The following ZC3H7B variants were observed in gnomAD, a reference collection of about 807,000 sequenced individuals.
ZC3H7B encodes the protein zinc finger CCCH domain-containing protein 7B.
A neutral mutation model predicts 116.0 loss-of-function variants in ZC3H7B; 35 were observed. The ratio of observed to expected loss-of-function variants is 0.30; its 90% CI spans 0.23 to 0.40. The LOEUF (loss-of-function observed/expected upper bound fraction) is 0.40. Among genes scored for constraint, ZC3H7B ranks in the 10% least tolerant of loss-of-function variants. The pLI is 1.00. For missense variants in ZC3H7B, 1,011 were observed against 1,321.5 expected (o/e 0.77, Z 3.64); for synonymous variants, 502 against 545.6 (o/e 0.92, Z 1.11).
chr22:41,355,940 C>A lies in ZC3H7B; in HGVS notation c.2275-14C>A. ...CAGCGGGACTCAGAGGATCTCCCCA[C>A]GCCCACCCCACAGCTCTGCATCCAT... On this transcript the variant is annotated splice_polypyrimidine_tract_variant and intron_variant, in intron 19 of 22. Coordinates refer to ENST00000352645, the MANE Select transcript of ZC3H7B (RefSeq NM_017590.6). 1 of 1,597,490 alleles carries A rather than the reference C, an allele frequency of 6.3e-7. No homozygotes were observed.
In ZC3H7B at chr22:41,343,486, C is replaced by T. The variant is rs762721243; in HGVS notation, c.1369C>T (p.Arg457Trp). 1.7e-5 allele frequency: 27 copies of T among 1,613,872 alleles called. No individual in the cohort carries two copies. Among genetic ancestry groups the T allele is most frequent in the Admixed American group, 8.3e-5 (5 of 60,014 alleles). ...GTGCAAGCGGGACATCCTGCTCGGC[C>T]GGCTCCGGAGCTCGGAGGACCAGAC... is the stretch of plus-strand genomic sequence containing the variant. ...HKCKRDILLG[R>W]LRSSEDQTWK... is the part of the protein sequence containing the mutation. The change falls in exon 13 of 23, where the codon CGG becomes TGG. Residue 457 changes from arginine to tryptophan, a missense_variant. Arg to Trp is a moderately radical substitution (Grantham distance 101, BLOSUM62 -3). Transcript: ENST00000352645.
rs1313571367 is a variant in ZC3H7B at position 41,351,640 on chromosome 22, C to A, written c.2028C>A (p.Ser676Arg). 6.2e-7 allele frequency: 1 copy of A among 1,613,808 alleles called. No homozygotes were observed. Among genetic ancestry groups the A allele is most frequent in the Non-Finnish European group, 8.5e-7 (1 of 1,179,870 alleles). The change falls in exon 17 of 23, where the codon AGC (serine) becomes AGA (arginine). Residue 676 changes from serine to arginine, a missense_variant. Physicochemically the swap from Ser to Arg is moderately radical, Grantham distance 110 (BLOSUM62 -1). Coordinates refer to ENST00000352645, the MANE Select transcript of ZC3H7B (RefSeq NM_017590.6). The surrounding 1 kb of genome is among the most constrained non-coding windows in gnomAD (Gnocchi z 5.1). ...QMEAHAGKAS[S>R]SMGAPRTHGP... ...AGGCGCATGCGGGGAAGGCCAGCAGCAGCATGGTAAGGCCTTCTGATACTA... is the reference window on the plus strand; with the variant it reads ...AGGCGCATGCGGGGAAGGCCAGCAGAAGCATGGTAAGGCCTTCTGATACTA...
In ZC3H7B at chr22:41,328,624, C is replaced by T. The variant is rs1022381641; in HGVS notation, c.444+1260C>T. ...GAGGCCTGGGCCCATCTGCCCTGTTCGCTGGGGTATCCTTAGCCCCTCACT... is the reference window on the plus strand; with the variant it reads ...GAGGCCTGGGCCCATCTGCCCTGTTTGCTGGGGTATCCTTAGCCCCTCACT... On this transcript the variant is annotated intron_variant, in intron 5 of 22. Transcript: ENST00000352645. Among the ~76,000 whole-genome samples, 15 of 152,264 alleles carry T rather than the reference C, an allele frequency of 9.9e-5. No individual in the cohort carries two copies. In the South Asian group the frequency reaches 2.1e-3, roughly 21 times the overall value.
At position 41,327,211 on chromosome 22, in the gene ZC3H7B, G is replaced by T; in HGVS notation, c.291G>T (p.Leu97=). The T allele has an allele frequency of 6.2e-7, 1 of 1,613,870 alleles. No individual in the cohort carries two copies. Among genetic ancestry groups the T allele is most frequent in the Non-Finnish European group, 8.5e-7 (1 of 1,180,024 alleles). ...NRAACYFTMG[L]YEKALEDSEK... ...CACATGCTCCTCTCTGGCAGGGCCT[G>T]TATGAGAAGGCGCTGGAGGACAGCG... Residue 97 remains leucine, a synonymous_variant, in exon 5 of 23, where the codon CTG becomes CTT. Coordinates refer to ENST00000352645, the MANE Select transcript of ZC3H7B (RefSeq NM_017590.6). The surrounding 1 kb of genome is among the most constrained non-coding windows in gnomAD (Gnocchi z 4.5).
chr22:41,326,578 C>T (rs2036322259), intron 4 of ZC3H7B, among the ~76,000 whole-genome samples: 1 of 152,140 alleles, frequency 6.6e-6, no homozygotes, highest in Non-Finnish European at 1.5e-5. Context: ...CTCCCATAGC[C>T]TCAGCCTCCT....
chr22:41,336,879 T>TAC (rs2036455537), intron 7 of ZC3H7B: 1 of 151,362 alleles, frequency 6.6e-6, no homozygotes, highest in Non-Finnish European at 1.5e-5. Flanking sequence ...CTCAGGCCTG[T>TAC]AATCCCAGCA....
chr22:41,321,668 ATCT>A (rs2036257947), intron 2 of ZC3H7B, among the ~76,000 whole-genome samples: 1 of 151,464 alleles, frequency 6.6e-6, no homozygotes, highest in African/African-American at 2.4e-5. Flanking sequence ...CATCTTTTTA[ATCT>A]TCTCAACAGC....
chr22:41,322,421 C>T (rs979281881), intron 2 of ZC3H7B, among the ~76,000 whole-genome samples: 14 of 151,932 alleles, frequency 9.2e-5, no homozygotes, highest in African/African-American at 2.7e-4. Context: ...CTCCTGACCT[C>T]GTGATCTGCC....
At chr22:41,306,183 T>G (rs1288146441) in intron 1 of ZC3H7B, among the ~76,000 whole-genome samples, 1 of 152,130 alleles carries the variant, frequency 6.6e-6, no homozygotes, top group Non-Finnish European at 1.5e-5. Flanking sequence ...GGGCCTCAGT[T>G]TCCCCTTCTG....
At position 41,325,793 on chromosome 22, in the gene ZC3H7B, C is replaced by G. The variant is rs769052217; in HGVS notation, c.160C>G (p.Gln54Glu). ...NDLFREKDYK[Q>E]ALVQYMEGLN... is the part of the protein sequence containing the mutation. ...TCTGTTCCGGGAGAAGGACTATAAG[C>G]AGGCTCTGGTGCAGTACATGGAAGG... Residue 54 changes from glutamine to glutamate, a missense_variant, in exon 4 of 23, where the codon CAG becomes GAG. By Grantham distance (29) the Gln-to-Glu change is conservative. This residue lies in a region of ZC3H7B where 322 missense variants were observed against 443.9 expected (regional missense o/e 0.73). Transcript: ENST00000352645. 39 of 1,613,756 alleles carry G rather than the reference C, an allele frequency of 2.4e-5. No individual in the cohort carries two copies. The highest frequency in any genetic ancestry group is 3.1e-5 in the Non-Finnish European group (37 of 1,179,986).
chr22:41,305,436 G>C (rs1296678250), intron 1 of ZC3H7B, among the ~76,000 whole-genome samples: 1 of 151,854 alleles, frequency 6.6e-6, no homozygotes, highest in Admixed American at 6.6e-5. Flanking sequence ...CTTGAACCTG[G>C]GGGGTGGAGG....
At chr22:41,313,386 A>G (rs898229628) in intron 1 of ZC3H7B, among the ~76,000 whole-genome samples, 2 of 152,152 alleles carry the variant, frequency 1.3e-5, no homozygotes, top group African/African-American at 4.8e-5. Context: ...TGTTGGAATT[A>G]CAGGCGTGAG....
Position 41,338,952 on chromosome 22 carries a change from CCCTCA to C in ZC3H7B, c.626-46_626-42del, listed in dbSNP as rs746297055. 6.7e-7 allele frequency: 1 copy of C among 1,484,738 alleles called. No individual in the cohort carries two copies. Among genetic ancestry groups the C allele is most frequent in the Non-Finnish European group, 9.0e-7 (1 of 1,115,442 alleles). 92.0% of individuals were successfully genotyped at this position (1,484,738 alleles called of 1,614,324 possible). On this transcript the variant is annotated intron_variant, in intron 8 of 22. Transcript: ENST00000352645. This position sits in a 1 kb window ranked among gnomAD's most constrained non-coding sequence, Gnocchi z 4.5. ...CACGGGGCCCGGGACGCCTCCTCCA[CCCTCA>C]CCAAGCAGTGCTCCCCTTCGGCTCT...
intron 1 of ZC3H7B, among the ~76,000 whole-genome samples, chr22:41,304,681 G>A (rs1366113094): frequency 2.6e-5 from 4 of 152,226 alleles, no homozygotes; most frequent in African/African-American, 7.2e-5. Flanking sequence ...AGGCTTGCCA[G>A]GGTGGAGAAG....
At chr22:41,329,031 CAAAAA>C (rs905189346) in intron 5 of ZC3H7B, among the ~76,000 whole-genome samples, 1,049 of 40,470 alleles carry the variant, frequency 0.026, 14 homozygotes, top group African/African-American at 0.07. Context: ...TACTAAAATA[CAAAAA>C]AAAAAAAAAA....
intron 13 of ZC3H7B, 100 bp downstream of exon 13, chr22:41,343,676 G>T: frequency 7.1e-7 from 1 of 1,408,846 alleles, no homozygotes; most frequent in Non-Finnish European, 9.3e-7. Flanking sequence ...GAACAGGGGT[G>T]GGCCTCACAG....
At chr22:41,326,037 C>T in intron 4 of ZC3H7B, 119 bp downstream of exon 4, 2 of 1,186,788 alleles carry the variant, frequency 1.7e-6, no homozygotes. Context: ...TCCCAGCCTG[C>T]TTTCAGAATT....
chr22:41,325,948 C>T, intron 4 of ZC3H7B, 30 bp downstream of exon 4: 1 of 1,571,514 alleles, frequency 6.4e-7, no homozygotes, highest in African/African-American at 1.3e-5. Flanking sequence ...TTCTCTCCTC[C>T]TCTGCTGCCC....
intron 7 of ZC3H7B, chr22:41,332,430 C>T (rs931863997): frequency 1.1e-5 from 7 of 612,908 alleles, no homozygotes; most frequent in East Asian, 5.7e-5. Flanking sequence ...GGGGAGCCGC[C>T]GGGGGCAGCC....
Sources: gnomAD v4.1 joint callset for allele counts (sites outside exome capture counted in the v4.1 genomes callset) on GRCh38, gnomAD v4.1.1 for gene constraint, gnomAD v4.1.1 regional missense constraint, Gnocchi (gnomAD v3.1) non-coding constraint, MANE v1.5 for transcripts, NCBI Gene and HGNC (gene_info 2026-07-23, HGNC 2026-07-21) for gene names.